GBA2: variants seen among roughly 807,000 people sequenced by gnomAD.
The protein encoded by GBA2 is glucosylceramidase beta 2.
A neutral mutation model predicts 112.9 loss-of-function variants in GBA2; 79 were observed. The observed-to-expected ratio is 0.70, with a 90% CI of 0.58 to 0.84. The LOEUF is 0.84. Ranked by LOEUF, GBA2 falls within the 40% of genes least tolerant of loss-of-function variation. The probability of loss-of-function intolerance (pLI) is 0.00; values close to 1 mark genes in which losing one functional copy is unlikely to be tolerated. For synonymous variants in GBA2, 403 were observed against 434.3 expected (o/e 0.93, Z 0.90); for missense variants, 1,043 against 1,190.0 (o/e 0.88, Z 1.82).
rs1379582834 is a variant in GBA2, at chr9:35,748,732, C to T, written c.-28G>A. 4 of 1,361,376 alleles carry T rather than the reference C, an allele frequency of 2.9e-6. No homozygotes were observed. Among genetic ancestry groups the T allele is most frequent in the African/African-American group, 1.5e-5 (1 of 68,628 alleles). 84.3% of individuals were successfully genotyped at this position (1,361,376 alleles called of 1,614,324 possible). ...CCTCGATGGCGCCAAGTCCCGAGCC[C>T]TCGGATACTAAGTATCTCGCCAGCC... is the stretch of plus-strand genomic sequence containing the variant. On this transcript the variant is annotated 5_prime_UTR_variant, in exon 1 of 17. Coordinates refer to ENST00000378103, the MANE Select transcript of GBA2 (RefSeq NM_020944.3).
At position 35,739,900 on chromosome 9, in the gene GBA2, G is replaced by A. The variant is rs1826536777; in HGVS notation, c.1409+98C>T. ...GAGTGGGATCATCAAATGAATCCCA[G>A]TGCAAGTCTACTGACTTTGGTGGGT... On this transcript the variant is annotated intron_variant, in intron 8 of 16. Transcript: ENST00000378103. 10 of 1,546,856 alleles carry A rather than the reference G, an allele frequency of 6.5e-6. No individual in the cohort carries two copies. In the South Asian group the frequency reaches 1.0e-4, roughly 16 times the overall value.
intron 3 of GBA2, among the ~76,000 whole-genome samples, 163 bp downstream of exon 3, chr9:35,744,134 G>A (rs373438436): frequency 2.6e-5 from 4 of 151,920 alleles, no homozygotes; most frequent in Non-Finnish European, 4.4e-5. Context: ...TTATTCCTAC[G>A]GTATATCCTA....
rs776875801 is a variant in GBA2 at position 35,739,295 on chromosome 9, G to A, written c.1687+20C>T. 1.1e-5 allele frequency: 17 copies of A among 1,514,700 alleles called. No individual in the cohort carries two copies. The highest frequency in any genetic ancestry group is 2.2e-5 in the South Asian group (2 of 89,178). The allele number at this position is 1,514,700 out of a possible 1,614,324, so 93.8% of individuals were successfully genotyped here. A position where few individuals can be genotyped will look rare whatever the true frequency, so the allele number is the denominator to read the frequency against. ...TATGGGGAGCCAAGAGGGCAGAAGC[G>A]GCACAAAAGGGATCCTCACCCATGT... On this transcript the variant is annotated intron_variant, in intron 10 of 16. Coordinates refer to ENST00000378103, the MANE Select transcript of GBA2 (RefSeq NM_020944.3).
intron 1 of GBA2, among the ~76,000 whole-genome samples, chr9:35,745,941 T>C (rs1826949113): frequency 6.6e-6 from 1 of 152,264 alleles, no homozygotes; most frequent in African/African-American, 2.4e-5. Flanking sequence ...GGATACCACC[T>C]GCTCTAGCTA....
rs2132011521 is a variant in GBA2, at chr9:35,746,198, A to G, written c.360-1492T>C. On this transcript the variant is annotated intron_variant, in intron 1 of 16. Transcript: ENST00000378103. The surrounding 1 kb of genome is among the most constrained non-coding windows in gnomAD (Gnocchi z 5.2). Reference sequence around the variant, plus strand: ...GGGTAGGACATATGGTCTGCAGTCAATGCATATTTGCCAATTTTACAGATG... The same window carrying G: ...GGGTAGGACATATGGTCTGCAGTCAGTGCATATTTGCCAATTTTACAGATG... Among the ~76,000 whole-genome samples, 1 of 152,376 alleles carries G rather than the reference A, an allele frequency of 6.6e-6. No individual in the cohort carries two copies. Among genetic ancestry groups the G allele is most frequent in the South Asian group, 2.1e-4 (1 of 4,830 alleles).
At chr9:35,742,553 G>GT (rs1372049100) in intron 3 of GBA2, among the ~76,000 whole-genome samples, 1 of 152,164 alleles carries the variant, frequency 6.6e-6, no homozygotes, top group Non-Finnish European at 1.5e-5. Context: ...ATGTTATAAT[G>GT]TATTGACTGA....
rs398123015 is a variant in GBA2, at chr9:35,737,335, C to T, written c.2618G>A (p.Arg873His). 6 of 1,614,030 alleles carry T rather than the reference C, an allele frequency of 3.7e-6. No individual in the cohort carries two copies. The highest frequency in any genetic ancestry group is 1.7e-5 in the Admixed American group (1 of 60,028). The change falls in exon 17 of 17, where the codon CGC becomes CAC. Residue 873 changes from arginine (R) to histidine (H), a missense_variant. By Grantham distance (29) the Arg-to-His change is conservative (BLOSUM62 0). Coordinates refer to ENST00000378103, the MANE Select transcript of GBA2 (RefSeq NM_020944.3). The surrounding 1 kb of genome is among the most constrained non-coding windows in gnomAD (Gnocchi z 4.1). Reference protein sequence around the residue: ...PEAYCQQRVFRSLAYMRPLSI... With the variant: ...PEAYCQQRVFHSLAYMRPLSI... ...CAGTGGCCGCATGTAGGCCAGTGAGCGGAACACTCGCTGCTGGCAGTATGC... is the reference window on the plus strand; with the variant it reads ...CAGTGGCCGCATGTAGGCCAGTGAGTGGAACACTCGCTGCTGGCAGTATGC...
Position 35,740,979 on chromosome 9 carries a change from A to C in GBA2, c.872T>G (p.Met291Arg). The C allele has an allele frequency of 6.2e-7, 1 of 1,614,046 alleles. No homozygotes were observed. Among genetic ancestry groups the C allele is most frequent in the Non-Finnish European group, 8.5e-7 (1 of 1,179,914 alleles). The change falls in exon 5 of 17, where the codon ATG becomes AGG. Residue 291 changes from methionine (M) to arginine (R), a missense_variant. Met to Arg is a moderately conservative substitution (Grantham distance 91, BLOSUM62 -1). Transcript: ENST00000378103. This position sits in a 1 kb window ranked among gnomAD's most constrained non-coding sequence, Gnocchi z 4.7. ...EALDVSIMFS[M>R]RNGLGGGDDA... ...GTCTCCACCACCCAGTCCATTCCGC[A>C]TGGAGAACATGATGGACACATCTAG...
rs1298135283 is a variant in GBA2 at position 35,740,830 on chromosome 9, C to T, written c.1021G>A (p.Val341Ile). Residue 341 changes from valine to isoleucine, a missense_variant, in exon 5 of 17, where the codon GTC (valine) becomes ATC (isoleucine). Transcript: ENST00000378103. The surrounding 1 kb of genome is among the most constrained non-coding windows in gnomAD (Gnocchi z 4.7). ...AGGGCAGGCTCTTTCCTTACCGTGA[C>T]TCGTGCAGCCACAGCCATCGTGTAG... is the stretch of plus-strand genomic sequence containing the variant. ...NPYTMAVAAR[V>I]TAATTVTHIT... The T allele has an allele frequency of 1.2e-6, 2 of 1,614,074 alleles. No individual in the cohort carries two copies. Among genetic ancestry groups the T allele is most frequent in the Non-Finnish European group, 1.7e-6 (2 of 1,179,982 alleles).
Position 35,741,225 on chromosome 9 carries a change from T to A in GBA2, c.787-161A>T. The A allele has an allele frequency of 1.3e-6, 1 of 744,984 alleles. No homozygotes were observed. Among genetic ancestry groups the A allele is most frequent in the Non-Finnish European group, 2.1e-6 (1 of 465,678 alleles). The allele number at this position is 744,984 out of a possible 1,614,324, so 46.1% of individuals were successfully genotyped here. A position where few individuals can be genotyped will look rare whatever the true frequency, so the allele number is the denominator to read the frequency against. On this transcript the variant is annotated intron_variant, in intron 4 of 16. Transcript: ENST00000378103. This position sits in a 1 kb window ranked among gnomAD's most constrained non-coding sequence, Gnocchi z 4.6. ...TCCCCATATTCCCAGGCAAGCTGCC[T>A]AGCAGGGAATATAGAAGACCAGAAC...
chr9:35,742,581 C>A (rs1182737950), intron 3 of GBA2, among the ~76,000 whole-genome samples: 1 of 152,158 alleles, frequency 6.6e-6, no homozygotes. Context: ...GTGTCCCTGA[C>A]TGCTGTATGG....
At position 35,749,089 on chromosome 9, in the gene GBA2, G is replaced by C; in HGVS notation, c.-385C>G. On this transcript the variant is annotated 5_prime_UTR_variant, in exon 1 of 17. Transcript: ENST00000378103. The surrounding 1 kb of genome is among the most constrained non-coding windows in gnomAD (Gnocchi z 4.4). ...GCACCGCCCCCGGGACCTCGGCCCGGCCCCTGGGCCACGGCACCGGGTCCC... is the reference window on the plus strand; with the variant it reads ...GCACCGCCCCCGGGACCTCGGCCCGCCCCCTGGGCCACGGCACCGGGTCCC... The C allele has an allele frequency of 4.5e-6, 1 of 219,910 alleles. No homozygotes were observed. The highest frequency in any genetic ancestry group is 9.0e-6 in the Non-Finnish European group (1 of 110,770). 13.6% of individuals were successfully genotyped at this position (219,910 alleles called of 1,614,324 possible).
chr9:35,749,061 A>G lies in GBA2; in HGVS notation c.-357T>C, dbSNP rs187544717. 2 of 202,884 alleles carry G rather than the reference A, an allele frequency of 9.9e-6. No individual in the cohort carries two copies. Among genetic ancestry groups the G allele is most frequent in the Non-Finnish European group, 9.7e-6 (1 of 102,708 alleles). The allele number at this position is 202,884 out of a possible 1,614,324, so 12.6% of individuals were successfully genotyped here. A position where few individuals can be genotyped will look rare whatever the true frequency, so the allele number is the denominator to read the frequency against. On this transcript the variant is annotated 5_prime_UTR_variant, in exon 1 of 17. Transcript: ENST00000378103. This position sits in a 1 kb window ranked among gnomAD's most constrained non-coding sequence, Gnocchi z 4.4. ...AGGCACCGCCCCGGGACGGGCCCGC[A>G]AGGCACCGCCCCCGGGACCTCGGCC...
Position 35,740,117 on chromosome 9 carries a change from A to G in GBA2, c.1290T>C (p.Tyr430=), listed in dbSNP as rs755336832. Residue 430 remains tyrosine (Y), a synonymous_variant, in exon 8 of 17, where the codon TAT becomes TAC. Transcript: ENST00000378103. The surrounding 1 kb of genome is among the most constrained non-coding windows in gnomAD (Gnocchi z 4.7). ...CTCCATCCTGGCCAAAGAACCTTGTATACCGCCTGGGGTGGGAAGGGGAAG... is the reference window on the plus strand; with the variant it reads ...CTCCATCCTGGCCAAAGAACCTTGTGTACCGCCTGGGGTGGGAAGGGGAAG... ...GAKGQVHYRR[Y]TRFFGQDGDA... 6.2e-7 allele frequency: 1 copy of G among 1,614,088 alleles called. No individual in the cohort carries two copies. The highest frequency in any genetic ancestry group is 8.5e-7 in the Non-Finnish European group (1 of 1,179,988).
At position 35,738,025 on chromosome 9, in the gene GBA2, C is replaced by T. The variant is rs1826344722; in HGVS notation, c.2313+12G>A. ...CCATTTTTCTCTCTGGCTGCTCCTC[C>T]TCCTCTCTCACCTCAGTGTCTCCTT... On this transcript the variant is annotated intron_variant, in intron 15 of 16. Transcript: ENST00000378103. 2 of 1,597,732 alleles carry T rather than the reference C, an allele frequency of 1.3e-6. No homozygotes were observed. Among genetic ancestry groups the T allele is most frequent in the Non-Finnish European group, 1.7e-6 (2 of 1,169,074 alleles).
In GBA2 at chr9:35,738,220, C is replaced by T. The variant is rs1425924139; in HGVS notation, c.2197+12G>A. On this transcript the variant is annotated intron_variant, in intron 14 of 16. Transcript: ENST00000378103. ...CAGCTGCCTTAAGACTACTTAGGCT[C>T]CCCGAACTCACCATTCCACAGCAGT... 2 of 1,614,068 alleles carry T rather than the reference C, an allele frequency of 1.2e-6. No homozygotes were observed. Among genetic ancestry groups the T allele is most frequent in the Non-Finnish European group, 1.7e-6 (2 of 1,179,956 alleles).
rs1194525298 is a variant in GBA2 at position 35,737,263 on chromosome 9, T to C, written c.2690A>G (p.Lys897Arg). ...CTGTTTGACTTTTGGCCAGGAGGCC[T>C]TTTTGTGCTGCTGCTGTTGCAGGGC... ...QLALQQQQHK[K>R]ASWPKVKQGT... Residue 897 changes from lysine to arginine, a missense_variant, in exon 17 of 17, where the codon AAG (lysine) becomes AGG (arginine). Coordinates refer to ENST00000378103, the MANE Select transcript of GBA2 (RefSeq NM_020944.3). This position sits in a 1 kb window ranked among gnomAD's most constrained non-coding sequence, Gnocchi z 4.1. The C allele has an allele frequency of 6.2e-7, 1 of 1,613,768 alleles. No homozygotes were observed. The highest frequency in any genetic ancestry group is 1.3e-5 in the African/African-American group (1 of 74,944).
chr9:35,738,458 T>C, intron 13 of GBA2, 68 bp downstream of exon 13: 1 of 1,589,944 alleles, frequency 6.3e-7, no homozygotes, highest in Non-Finnish European at 8.6e-7. Flanking sequence ...TCATTCTTTC[T>C]TGAGCCCTAC....
At position 35,739,727 on chromosome 9, in the gene GBA2, G is replaced by C; in HGVS notation, c.1483C>G (p.Leu495Val). Residue 495 changes from leucine (L) to valine (V), a missense_variant, in exon 9 of 17, where the codon CTG becomes GTG. By Grantham distance (32) the Leu-to-Val change is conservative (BLOSUM62 1). Transcript: ENST00000378103. ...GGTAGGGAGTCCTCAAGAACTTCCAGCCACACTGTGCCTCCATCAGCCAGG... is the reference window on the plus strand; with the variant it reads ...GGTAGGGAGTCCTCAAGAACTTCCACCCACACTGTGCCTCCATCAGCCAGG... Reference protein sequence around the residue: ...YFLADGGTVWLEVLEDSLPEE... With the variant: ...YFLADGGTVWVEVLEDSLPEE... 6.2e-7 allele frequency: 1 copy of C among 1,613,784 alleles called. No individual in the cohort carries two copies. The highest frequency in any genetic ancestry group is 1.1e-5 in the South Asian group (1 of 91,070).
Sources: allele counts gnomAD v4.1 joint callset (sites outside exome capture counted in the v4.1 genomes callset), GRCh38; gene constraint gnomAD v4.1.1; non-coding constraint Gnocchi (gnomAD v3.1); transcripts MANE v1.5; gene names NCBI Gene and HGNC (gene_info 2026-07-23, HGNC 2026-07-21).